PRDM16: variants seen among roughly 807,000 people sequenced by gnomAD.
PRDM16 encodes the protein PR/SET domain 16.
In PRDM16, 23 loss-of-function variants were observed where a neutral mutation model predicts 110.6. The ratio of observed to expected loss-of-function variants is 0.21; its 90% CI spans 0.15 to 0.29. The LOEUF (loss-of-function observed/expected upper bound fraction) is 0.29, where lower values mean the gene tolerates loss of function less well. PRDM16 is among the 10% of genes least tolerant of loss of function. The pLI, the probability that PRDM16 is intolerant of heterozygous loss-of-function variation, is 1.00. For synonymous variants in PRDM16, 799 were observed against 781.8 expected (o/e 1.02, Z -0.37); for missense variants, 1,615 against 1,794.3 (o/e 0.90, Z 1.81).
At chr1:3,423,016 T>G (rs1049147038) in intron 12 of PRDM16, among the ~76,000 whole-genome samples, 4 of 152,216 alleles carry the variant, frequency 2.6e-5, no homozygotes, top group Admixed American at 1.3e-4. Flanking sequence ...CACCAATGCT[T>G]CTTTTCCTGT....
At chr1:3,193,120 A>G (rs1638358736) in intron 2 of PRDM16, among the ~76,000 whole-genome samples, 1 of 152,012 alleles carries the variant, frequency 6.6e-6, no homozygotes, top group African/African-American at 2.4e-5. Flanking sequence ...CAGCAGACAC[A>G]GCGGCCAGAC....
intron 1 of PRDM16, among the ~76,000 whole-genome samples, chr1:3,171,901 G>A (rs1207308814): frequency 1.3e-5 from 2 of 152,118 alleles, no homozygotes; most frequent in African/African-American, 2.4e-5. Context: ...CAAAGTCCTG[G>A]AGCAGCGAGC....
chr1:3,375,929 G>A (rs1642982974), intron 3 of PRDM16, among the ~76,000 whole-genome samples: 3 of 152,222 alleles, frequency 2.0e-5, no homozygotes, highest in Non-Finnish European at 4.4e-5. Flanking sequence ...AGAGAACTAA[G>A]GGGAAACTCC....
chr1:3,072,569 G>A (rs1241526089), intron 1 of PRDM16, among the ~76,000 whole-genome samples: 1 of 152,228 alleles, frequency 6.6e-6, no homozygotes, highest in Non-Finnish European at 1.5e-5. Context: ...ACAGGGTAGA[G>A]GTAAGCGGGG....
At chr1:3,429,678 C>T (rs1476710910) in intron 14 of PRDM16, among the ~76,000 whole-genome samples, 7 of 152,228 alleles carry the variant, frequency 4.6e-5, no homozygotes, top group South Asian at 2.1e-4. Context: ...GTGTACAGGA[C>T]GCTCTTGGCC....
intron 1 of PRDM16, among the ~76,000 whole-genome samples, chr1:3,135,509 C>T (rs1268283627): frequency 6.6e-6 from 1 of 152,232 alleles, no homozygotes; most frequent in Non-Finnish European, 1.5e-5. Flanking sequence ...CTGCCAAGGC[C>T]AGTAGGGGCT....
At chr1:3,406,567 CAAA>C (rs897319408) in intron 8 of PRDM16, among the ~76,000 whole-genome samples, 18 of 142,204 alleles carry the variant, frequency 1.3e-4, no homozygotes, top group Non-Finnish European at 1.8e-4. Flanking sequence ...CCATTTCTAC[CAAA>C]AAAAAAAAAA....
chr1:3,361,658 A>T (rs976049787), intron 3 of PRDM16, among the ~76,000 whole-genome samples: 8 of 152,166 alleles, frequency 5.3e-5, no homozygotes, highest in Non-Finnish European at 1.2e-4. Context: ...GGGCTTTTGG[A>T]GAAGACCCCA....
chr1:3,227,973 G>A (rs80221991), intron 2 of PRDM16, among the ~76,000 whole-genome samples: 3,349 of 152,338 alleles, frequency 0.022, 140 homozygotes, highest in African/African-American at 0.076. Flanking sequence ...GTTTCGAGCC[G>A]TGGGCTCTTC....
At position 3,404,766 on chromosome 1, in the gene PRDM16, G is replaced by A. The variant is rs371323418; in HGVS notation, c.912G>A (p.Thr304=). ...YSLEQHMVIH[T]EEREYKCDQC... ...TGGAGCAGCACATGGTCATCCACAC[G>A]GAGGAGCGCGAGTACAAATGCGACC... Residue 304 remains threonine (T), a synonymous_variant, in exon 7 of 17, where the codon ACG becomes ACA. Coordinates refer to ENST00000270722, the MANE Select transcript of PRDM16 (RefSeq NM_022114.4). 1.5e-5 allele frequency: 25 copies of A among 1,613,550 alleles called. No homozygotes were observed. The highest frequency in any genetic ancestry group is 8.9e-5 in the East Asian group (4 of 44,884).
chr1:3,076,703 G>A (rs1017238061), intron 1 of PRDM16, among the ~76,000 whole-genome samples: 5 of 152,308 alleles, frequency 3.3e-5, no homozygotes, highest in Middle Eastern at 6.8e-3. Flanking sequence ...ATGGGTGTGC[G>A]AGGAGAGGTT....
At chr1:3,075,154 A>G (rs1352410254) in intron 1 of PRDM16, among the ~76,000 whole-genome samples, 4 of 152,258 alleles carry the variant, frequency 2.6e-5, no homozygotes, top group African/African-American at 7.2e-5. Context: ...AGGCCTGAAG[A>G]TAGGAGTGCT....
At chr1:3,240,653 A>C (rs1639648217) in intron 2 of PRDM16, among the ~76,000 whole-genome samples, 1 of 152,124 alleles carries the variant, frequency 6.6e-6, no homozygotes, top group Non-Finnish European at 1.5e-5. Flanking sequence ...AATAACAGAT[A>C]ATTTTGACGG....
intron 3 of PRDM16, among the ~76,000 whole-genome samples, chr1:3,323,360 G>A (rs928868400): frequency 6.6e-6 from 1 of 152,214 alleles, no homozygotes; most frequent in Non-Finnish European, 1.5e-5. Context: ...CACGTGGGGC[G>A]GGCGGCATTT....
Position 3,136,662 on chromosome 1 carries a change from G to C in PRDM16, c.38-49463G>C, listed in dbSNP as rs183700011. Among the ~76,000 whole-genome samples, 6 of 152,266 alleles carry C rather than the reference G, an allele frequency of 3.9e-5. No individual in the cohort carries two copies. In the East Asian group the frequency reaches 1.2e-3, roughly 29 times the overall value. The stretch of plus-strand genomic sequence containing the variant: ...CCCTCAATTCTGGCTGCTGGGTGTG[G>C]ACAGAGGAGTGGGCTTATCAGGCAT... On this transcript the variant is annotated intron_variant, in intron 1 of 16. Transcript: ENST00000270722.
chr1:3,378,635 G>A (rs568826006), intron 3 of PRDM16, among the ~76,000 whole-genome samples: 9 of 152,122 alleles, frequency 5.9e-5, no homozygotes, highest in Admixed American at 2.6e-4. Flanking sequence ...GAGGGGCCTC[G>A]ACAGCACCCT....
At chr1:3,178,265 C>A (rs951897430) in intron 1 of PRDM16, among the ~76,000 whole-genome samples, 1 of 148,092 alleles carries the variant, frequency 6.8e-6, no homozygotes, top group Non-Finnish European at 1.5e-5. Flanking sequence ...TTTTGGAGGC[C>A]ACATCTACAC....
intron 1 of PRDM16, among the ~76,000 whole-genome samples, chr1:3,149,654 G>C (rs1336054773): frequency 6.6e-6 from 1 of 152,238 alleles, no homozygotes; most frequent in Non-Finnish European, 1.5e-5. Flanking sequence ...GCCTCAGGCA[G>C]CCCCTGGCCC....
At chr1:3,302,582 C>T (rs767708699) in intron 3 of PRDM16, among the ~76,000 whole-genome samples, 37 of 152,142 alleles carry the variant, frequency 2.4e-4, no homozygotes, top group Admixed American at 2.1e-3. Flanking sequence ...GATACATTGT[C>T]GAGCCATCCT....
Sources: gnomAD v4.1 joint callset for allele counts (sites outside exome capture counted in the v4.1 genomes callset) on GRCh38, gnomAD v4.1.1 for gene constraint, MANE v1.5 for transcripts, NCBI Gene and HGNC (gene_info 2026-07-23, HGNC 2026-07-21) for gene names.